C8orf34: variants seen among roughly 807,000 people sequenced by gnomAD.
The protein encoded by C8orf34 is uncharacterized protein C8orf34.
C8orf34 carries 65 observed loss-of-function variants against 68.3 expected under a neutral mutation model. The ratio of observed to expected loss-of-function variants is 0.95; its 90% CI spans 0.78 to 1.17. The LOEUF (loss-of-function observed/expected upper bound fraction) is 1.17. Among genes scored for constraint, C8orf34 ranks in the 50% most tolerant of loss-of-function variants. The pLI is 0.00. For synonymous variants in C8orf34, 244 were observed against 241.2 expected (o/e 1.01, Z -0.11); for missense variants, 664 against 655.4 (o/e 1.01, Z -0.14).
chr8:68,471,287 T>C (rs1351332121), intron 4 of C8orf34, among the ~76,000 whole-genome samples: 1 of 152,158 alleles, frequency 6.6e-6, no homozygotes, highest in East Asian at 1.9e-4. Flanking sequence ...ACTATTTTTC[T>C]GAGCAAAATT....
chr8:68,454,949 T>C (rs1256804313), intron 3 of C8orf34, among the ~76,000 whole-genome samples: 1 of 151,554 alleles, frequency 6.6e-6, no homozygotes, highest in Non-Finnish European at 1.5e-5. Flanking sequence ...GTTGTTTTCA[T>C]ATTTTTTTTT....
intron 8 of C8orf34, among the ~76,000 whole-genome samples, chr8:68,661,555 C>A (rs1383793162): frequency 6.6e-6 from 1 of 152,156 alleles, no homozygotes; most frequent in Non-Finnish European, 1.5e-5. Context: ...AGAGAGGAGT[C>A]CTAAAAGCAG....
At chr8:68,668,962 C>A (rs1339985438) in intron 8 of C8orf34, among the ~76,000 whole-genome samples, 3 of 152,126 alleles carry the variant, frequency 2.0e-5, no homozygotes, top group African/African-American at 7.2e-5. Context: ...AAGACCCCAG[C>A]CCAGCCAATG....
chr8:68,711,366 AT>A (rs1405462248), intron 9 of C8orf34, among the ~76,000 whole-genome samples: 1 of 152,178 alleles, frequency 6.6e-6, no homozygotes, highest in Non-Finnish European at 1.5e-5. Flanking sequence ...TATTAAGCTA[AT>A]TAAGCAGGCA....
intron 7 of C8orf34, among the ~76,000 whole-genome samples, chr8:68,634,641 A>C (rs1030619758): frequency 1.3e-5 from 2 of 152,036 alleles, no homozygotes; most frequent in Non-Finnish European, 2.9e-5. Context: ...ATTGTATTTT[A>C]TTTTATTTTT....
chr8:68,800,540 G>T (rs1824301235), intron 12 of C8orf34, among the ~76,000 whole-genome samples: 1 of 152,060 alleles, frequency 6.6e-6, no homozygotes, highest in African/African-American at 2.4e-5. Flanking sequence ...ATGTAACTGG[G>T]TTATATTTTT....
At chr8:68,709,262 A>G (rs1821265247) in intron 9 of C8orf34, among the ~76,000 whole-genome samples, 183 bp downstream of exon 9, 1 of 152,196 alleles carries the variant, frequency 6.6e-6, no homozygotes, top group Admixed American at 6.5e-5. Flanking sequence ...AAAGGAGAGA[A>G]GGAATTGAGA....
intron 8 of C8orf34, among the ~76,000 whole-genome samples, chr8:68,701,282 T>C (rs1019951293): frequency 1.3e-5 from 2 of 152,110 alleles, no homozygotes; most frequent in Non-Finnish European, 2.9e-5. Context: ...ATGCATTTTA[T>C]TGGTTTACTT....
At chr8:68,763,581 T>C (rs1823084167) in intron 10 of C8orf34, among the ~76,000 whole-genome samples, 1 of 152,194 alleles carries the variant, frequency 6.6e-6, no homozygotes, top group African/African-American at 2.4e-5. Flanking sequence ...TTCCTGTTGA[T>C]CCTATATAGA....
intron 7 of C8orf34, among the ~76,000 whole-genome samples, chr8:68,578,949 C>A (rs1337708419): frequency 1.3e-5 from 2 of 152,020 alleles, no homozygotes; most frequent in East Asian, 3.9e-4. Context: ...AGTATCAATC[C>A]TCGGCGATTT....
At chr8:68,394,343 T>G (rs2676657) in intron 1 of C8orf34, among the ~76,000 whole-genome samples, 23,733 of 149,798 alleles carry the variant, frequency 0.16, 2,139 homozygotes, top group African/African-American at 0.25. Context: ...GCGGTGTTTG[T>G]TTTTTTGTTC....
intron 8 of C8orf34, among the ~76,000 whole-genome samples, chr8:68,690,312 C>T (rs992452663): frequency 2.6e-5 from 4 of 151,854 alleles, no homozygotes; most frequent in African/African-American, 9.7e-5. Context: ...AGCTGGACAT[C>T]AGAATTAAAC....
chr8:68,777,552 A>G (rs558889039), intron 11 of C8orf34, among the ~76,000 whole-genome samples: 139 of 152,332 alleles, frequency 9.1e-4, no homozygotes, highest in African/African-American at 3.2e-3. Context: ...TCCTCTGACT[A>G]CAACACTGCC....
intron 8 of C8orf34, among the ~76,000 whole-genome samples, chr8:68,658,192 C>T (rs1031871116): frequency 6.6e-6 from 1 of 152,054 alleles, no homozygotes. Context: ...ATTTTTATTA[C>T]AATTTACTTG....
intron 10 of C8orf34, among the ~76,000 whole-genome samples, chr8:68,741,777 T>C (rs1481149690): frequency 6.6e-6 from 1 of 152,202 alleles, no homozygotes; most frequent in Admixed American, 6.5e-5. Flanking sequence ...TCCAGATCCA[T>C]CCATGTTGTT....
At chr8:68,706,379 C>A (rs776452307) in intron 8 of C8orf34, among the ~76,000 whole-genome samples, 1 of 151,214 alleles carries the variant, frequency 6.6e-6, no homozygotes, top group African/African-American at 2.4e-5. Flanking sequence ...TATTTGGTTG[C>A]GTAGAAAGTG....
intron 1 of C8orf34, among the ~76,000 whole-genome samples, chr8:68,406,380 TAAG>T (rs1809194601): frequency 6.6e-6 from 1 of 152,102 alleles, no homozygotes; most frequent in Non-Finnish European, 1.5e-5. Flanking sequence ...TTGGGAGAGA[TAAG>T]AGGCATTCTG....
intron 1 of C8orf34, among the ~76,000 whole-genome samples, chr8:68,377,049 G>A (rs2129620017): frequency 6.6e-6 from 1 of 152,224 alleles, no homozygotes; most frequent in African/African-American, 2.4e-5. Context: ...AGTAAGTGCT[G>A]AGAGGAGGAA....
intron 1 of C8orf34, among the ~76,000 whole-genome samples, chr8:68,414,134 C>T (rs1303738416): frequency 6.6e-6 from 1 of 152,176 alleles, no homozygotes; most frequent in Non-Finnish European, 1.5e-5. Flanking sequence ...CTCAGAGATG[C>T]TATCTTGATC....
Sources: allele counts gnomAD v4.1 joint callset (sites outside exome capture counted in the v4.1 genomes callset), GRCh38; gene constraint gnomAD v4.1.1; transcripts MANE v1.5; gene names NCBI Gene and HGNC (gene_info 2026-07-23, HGNC 2026-07-21).